Variants in ARNT2 observed in about 807,000 individuals in gnomAD.
ARNT2 encodes the protein ARNT protein 2.
Under a neutral mutation model 91.7 loss-of-function variants are expected in ARNT2, and 36 were observed. The observed-to-expected ratio is 0.39, with a 90% confidence interval of 0.30 to 0.52. The LOEUF (loss-of-function observed/expected upper bound fraction) is 0.52. Ranked by LOEUF, ARNT2 falls within the 20% of genes least tolerant of loss-of-function variation. ARNT2 has a pLI of 0.72. For synonymous variants in ARNT2, 365 were observed against 347.1 expected (o/e 1.05, Z -0.57); for missense variants, 775 against 939.3 (o/e 0.83, Z 2.29).
At chr15:80,554,548 C>G (rs1898142449) in intron 10 of ARNT2, 1 of 153,424 alleles carries the variant, frequency 6.5e-6, no homozygotes, top group South Asian at 2.0e-4. Flanking sequence ...TTGTTTTGGG[C>G]TAATGCTATG....
intron 1 of ARNT2, among the ~76,000 whole-genome samples, chr15:80,408,093 C>T (rs1895627235): frequency 6.6e-6 from 1 of 152,128 alleles, no homozygotes; most frequent in South Asian, 2.1e-4. Flanking sequence ...TTCCCCACTT[C>T]CAGGTTTCTG....
chr15:80,553,595 GA>G (rs1195940961), intron 10 of ARNT2, among the ~76,000 whole-genome samples: 4 of 151,778 alleles, frequency 2.6e-5, no homozygotes, highest in African/African-American at 9.7e-5. Flanking sequence ...GCATATGTAT[GA>G]ATATATACAC....
At position 80,597,246 on chromosome 15, in the gene ARNT2, G is replaced by T; in HGVS notation, c.*3548G>T. The T allele has an allele frequency of 1.9e-6, 1 of 518,438 alleles. No homozygotes were observed. Among genetic ancestry groups the T allele is most frequent in the Non-Finnish European group, 3.8e-6 (1 of 259,816 alleles). The allele number at this position is 518,438 out of a possible 1,614,324, so 32.1% of individuals were successfully genotyped here. A position where few individuals can be genotyped will look rare whatever the true frequency, so the allele number is the denominator to read the frequency against. On this transcript the variant is annotated 3_prime_UTR_variant, in exon 19 of 19. Coordinates refer to ENST00000303329, the MANE Select transcript of ARNT2 (RefSeq NM_014862.4). ...CGGCAGCACTTTAGGCAGCCCATAA[G>T]CTATGCGAGAATGTGAACGCTCACC... is the stretch of plus-strand genomic sequence containing the variant.
chr15:80,581,771 A>G (rs1367648625), intron 17 of ARNT2, among the ~76,000 whole-genome samples: 1 of 152,238 alleles, frequency 6.6e-6, no homozygotes, highest in Non-Finnish European at 1.5e-5. Context: ...GAGACAATCA[A>G]TTGCATAAAT....
At chr15:80,546,027 A>C (rs566285550) in intron 8 of ARNT2, among the ~76,000 whole-genome samples, 32 of 152,344 alleles carry the variant, frequency 2.1e-4, no homozygotes, top group African/African-American at 6.3e-4. Context: ...GGTCAGTCTA[A>C]TTAAGTGACA....
chr15:80,557,151 C>T (rs1898206836), intron 11 of ARNT2, among the ~76,000 whole-genome samples: 1 of 152,148 alleles, frequency 6.6e-6, no homozygotes, highest in Admixed American at 6.5e-5. Flanking sequence ...ATTTATGCCA[C>T]GTATGTGGAT....
intron 8 of ARNT2, among the ~76,000 whole-genome samples, chr15:80,541,818 A>G (rs1326395478): frequency 6.6e-6 from 1 of 152,240 alleles, no homozygotes; most frequent in Non-Finnish European, 1.5e-5. Context: ...GCATTTTGTC[A>G]CAAACAGCAT....
At chr15:80,415,519 A>G (rs570896108) in intron 1 of ARNT2, among the ~76,000 whole-genome samples, 150 of 152,300 alleles carry the variant, frequency 9.8e-4, no homozygotes, top group African/African-American at 3.3e-3. Flanking sequence ...ATGTGATCAG[A>G]GGTGGGTTCT....
intron 5 of ARNT2, among the ~76,000 whole-genome samples, chr15:80,491,724 A>C (rs1329913837): frequency 6.6e-6 from 1 of 151,608 alleles, no homozygotes; most frequent in Non-Finnish European, 1.5e-5. Flanking sequence ...ATCCAAGAAG[A>C]GAAGAAATTA....
intron 8 of ARNT2, among the ~76,000 whole-genome samples, chr15:80,530,627 G>A (rs2141441239): frequency 6.6e-6 from 1 of 152,238 alleles, no homozygotes; most frequent in Non-Finnish European, 1.5e-5. Context: ...TCAGACTTGA[G>A]TCATTTTTGT....
chr15:80,569,188 G>A (rs1342690597), intron 12 of ARNT2, among the ~76,000 whole-genome samples: 1 of 152,120 alleles, frequency 6.6e-6, no homozygotes, highest in Non-Finnish European at 1.5e-5. Flanking sequence ...ACTTACTCAG[G>A]CTGAGTAAAA....
intron 2 of ARNT2, among the ~76,000 whole-genome samples, chr15:80,457,466 T>C (rs1001805995): frequency 1.2e-4 from 18 of 152,368 alleles, no homozygotes; most frequent in African/African-American, 4.3e-4. Context: ...TGAAAACTTC[T>C]GTTTTCAAAA....
chr15:80,508,840 A>G (rs993973608), intron 6 of ARNT2, among the ~76,000 whole-genome samples: 2 of 152,222 alleles, frequency 1.3e-5, no homozygotes, highest in African/African-American at 4.8e-5. Flanking sequence ...GCAGGAATGA[A>G]TGAACTTTGG....
chr15:80,593,774 C>A lies in ARNT2; in HGVS notation c.*76C>A. 7.3e-7 allele frequency: 1 copy of A among 1,372,228 alleles called. No homozygotes were observed. Among genetic ancestry groups the A allele is most frequent in the Non-Finnish European group, 1.0e-6 (1 of 995,062 alleles). 85.0% of individuals were successfully genotyped at this position (1,372,228 alleles called of 1,614,324 possible). On this transcript the variant is annotated 3_prime_UTR_variant, in exon 19 of 19. Transcript: ENST00000303329. ...TCGATGCCCATGTGAATGAGGCCCA[C>A]CCTCGCCCTGCTTGCCCTGCCGCAG...
intron 5 of ARNT2, among the ~76,000 whole-genome samples, chr15:80,486,801 G>A (rs756438538): frequency 2.0e-5 from 3 of 152,166 alleles, no homozygotes; most frequent in Non-Finnish European, 4.4e-5. Context: ...GTCAGCAGAG[G>A]TACAGCCCTA....
intron 17 of ARNT2, among the ~76,000 whole-genome samples, chr15:80,589,709 C>T (rs1202429807): frequency 2.0e-5 from 3 of 152,210 alleles, no homozygotes; most frequent in Non-Finnish European, 2.9e-5. Flanking sequence ...ACTGTTTTAA[C>T]TTTGCCACAG....
chr15:80,542,663 C>T (rs2141450329), intron 8 of ARNT2, among the ~76,000 whole-genome samples: 1 of 152,268 alleles, frequency 6.6e-6, no homozygotes, highest in South Asian at 2.1e-4. Context: ...TTCATTGATG[C>T]TCATTGAATG....
chr15:80,490,630 C>A (rs375308830), intron 5 of ARNT2, among the ~76,000 whole-genome samples: 2 of 152,246 alleles, frequency 1.3e-5, no homozygotes, highest in East Asian at 3.8e-4. Context: ...AGTCCCGTCT[C>A]CCCTCGGGGC....
chr15:80,574,497 G>GTA (rs1898635236), intron 13 of ARNT2, among the ~76,000 whole-genome samples: 1 of 152,208 alleles, frequency 6.6e-6, no homozygotes, highest in Non-Finnish European at 1.5e-5. Flanking sequence ...TGCGTGAACT[G>GTA]TAGTATGAGT....
Sources: gnomAD v4.1 joint callset for allele counts (sites outside exome capture counted in the v4.1 genomes callset) on GRCh38, gnomAD v4.1.1 for gene constraint, MANE v1.5 for transcripts, NCBI Gene and HGNC (gene_info 2026-07-23, HGNC 2026-07-21) for gene names.